Variants in LRRC4C observed in about 807,000 individuals in gnomAD.
LRRC4C encodes leucine-rich repeat-containing protein 4C.
In LRRC4C, 5 loss-of-function variants were observed where a neutral mutation model predicts 33.6. That is an observed-to-expected ratio of 0.15 (90% CI 0.08 to 0.31). LRRC4C has a LOEUF of 0.31. LRRC4C is among the 10% of genes least tolerant of loss of function. The probability of loss-of-function intolerance (pLI) is 1.00; values close to 1 mark genes in which losing one functional copy is unlikely to be tolerated. For synonymous variants in LRRC4C, 329 were observed against 302.0 expected (o/e 1.09, Z -0.93); for missense variants, 560 against 796.7 (o/e 0.70, Z 3.58).
chr11:40,525,621 G>A (rs1956014038), intron 3 of LRRC4C, among the ~76,000 whole-genome samples: 1 of 151,966 alleles, frequency 6.6e-6, no homozygotes, highest in Admixed American at 6.6e-5. Flanking sequence ...ATAAATGGAG[G>A]AATTACTTTA....
intron 3 of LRRC4C, among the ~76,000 whole-genome samples, chr11:40,337,151 G>C (rs1318564796): frequency 1.3e-5 from 2 of 152,014 alleles, no homozygotes; most frequent in Non-Finnish European, 2.9e-5. Flanking sequence ...GGAATCACAA[G>C]AGCAAAACCC....
At chr11:41,164,928 C>T (rs1305892537) in intron 1 of LRRC4C, among the ~76,000 whole-genome samples, 1 of 152,136 alleles carries the variant, frequency 6.6e-6, no homozygotes, top group Non-Finnish European at 1.5e-5. Context: ...TGTGTCTAGA[C>T]TTGCTGTCTC....
At chr11:40,369,227 G>C (rs917315228) in intron 3 of LRRC4C, among the ~76,000 whole-genome samples, 3 of 152,172 alleles carry the variant, frequency 2.0e-5, no homozygotes, top group African/African-American at 7.2e-5. Flanking sequence ...GTTGGAATCA[G>C]CTCTGTCTCC....
chr11:40,632,900 T>G (rs993528617), intron 3 of LRRC4C, among the ~76,000 whole-genome samples: 18 of 152,156 alleles, frequency 1.2e-4, no homozygotes, highest in African/African-American at 4.3e-4. Context: ...AGGTAACAAA[T>G]GTTATGCAGC....
intron 2 of LRRC4C, among the ~76,000 whole-genome samples, chr11:40,808,992 C>T (rs1361448465): frequency 6.6e-6 from 1 of 152,122 alleles, no homozygotes; most frequent in Non-Finnish European, 1.5e-5. Context: ...GACTTAGCTT[C>T]AGCAGTTATT....
intron 3 of LRRC4C, among the ~76,000 whole-genome samples, chr11:40,409,002 A>G (rs1950061565): frequency 6.6e-6 from 1 of 152,046 alleles, no homozygotes; most frequent in Admixed American, 6.6e-5. Flanking sequence ...ACCTGACTTT[A>G]AAATATACTG....
chr11:40,970,440 C>A (rs1042699040), intron 1 of LRRC4C, among the ~76,000 whole-genome samples: 13 of 152,104 alleles, frequency 8.5e-5, no homozygotes, highest in African/African-American at 2.9e-4. Flanking sequence ...CCTGAGGTCT[C>A]CAGAAGCCAC....
At chr11:41,339,843 C>A (rs1951573341) in intron 1 of LRRC4C, among the ~76,000 whole-genome samples, 1 of 151,968 alleles carries the variant, frequency 6.6e-6, no homozygotes, top group Non-Finnish European at 1.5e-5. Flanking sequence ...CAGAAGATAT[C>A]CAAAAATCAA....
At chr11:41,376,002 T>A (rs1314351741) in intron 1 of LRRC4C, among the ~76,000 whole-genome samples, 2 of 151,936 alleles carry the variant, frequency 1.3e-5, no homozygotes, top group Non-Finnish European at 2.9e-5. Flanking sequence ...AGAATTCACA[T>A]ATAAATTGAT....
intron 1 of LRRC4C, among the ~76,000 whole-genome samples, chr11:40,952,849 AAC>A (rs56684958): frequency 0.031 from 3,520 of 112,658 alleles, 77 homozygotes; most frequent in Admixed American, 0.087. Context: ...TCTATTTCCA[AAC>A]ACACACACAC....
In LRRC4C at chr11:40,925,828, C is replaced by T. The variant is rs543675953; in HGVS notation, c.-407+7807G>A. Among the ~76,000 whole-genome samples, 40 of 152,124 alleles carry T rather than the reference C, an allele frequency of 2.6e-4. 1 individual carries two copies. The East Asian group carries it at 7.2e-3, about 27-fold the overall frequency. On this transcript the variant is annotated intron_variant, in intron 2 of 6. Transcript: ENST00000528697. ...ACTATGTGCCAGGCATTATTTTAGG[C>T]ACTGAGAGGATAAAAATGGATGAAA...
chr11:40,598,786 C>T (rs768395827), intron 3 of LRRC4C, among the ~76,000 whole-genome samples: 9 of 152,088 alleles, frequency 5.9e-5, no homozygotes, highest in East Asian at 5.8e-4. Context: ...CATTTTGCTC[C>T]GGACTTGTGG....
At chr11:40,597,873 A>G (rs1378820531) in intron 3 of LRRC4C, among the ~76,000 whole-genome samples, 1 of 152,226 alleles carries the variant, frequency 6.6e-6, no homozygotes, top group South Asian at 2.1e-4. Flanking sequence ...AAAGTTGGCC[A>G]ATAGTTTGCA....
At chr11:40,255,079 G>A (rs1867095461) in intron 4 of LRRC4C, among the ~76,000 whole-genome samples, 1 of 152,130 alleles carries the variant, frequency 6.6e-6, no homozygotes, top group Non-Finnish European at 1.5e-5. Flanking sequence ...GGGATTACAA[G>A]CGTGAGTCAC....
intron 2 of LRRC4C, among the ~76,000 whole-genome samples, chr11:40,676,677 A>G (rs1466683926): frequency 6.6e-6 from 1 of 152,118 alleles, no homozygotes; most frequent in Admixed American, 6.5e-5. Context: ...CTTTTAGGCT[A>G]TATTTATCCA....
At chr11:40,733,222 C>T (rs1028066489) in intron 2 of LRRC4C, among the ~76,000 whole-genome samples, 39 of 151,338 alleles carry the variant, frequency 2.6e-4, no homozygotes, top group Admixed American at 1.6e-3. Context: ...ACAACAGGCG[C>T]CTGCCACCAC....
chr11:40,703,748 G>C (rs986939854), intron 2 of LRRC4C, among the ~76,000 whole-genome samples: 1 of 152,156 alleles, frequency 6.6e-6, no homozygotes, highest in African/African-American at 2.4e-5. Context: ...TTCAAGCCTG[G>C]AGATGAGCTG....
intron 3 of LRRC4C, among the ~76,000 whole-genome samples, chr11:40,570,272 G>A (rs1223488899): frequency 6.6e-6 from 1 of 152,024 alleles, no homozygotes; most frequent in Admixed American, 6.6e-5. Flanking sequence ...TTATACTGGG[G>A]AAAAATCAAT....
chr11:40,820,102 T>C (rs186379683), intron 2 of LRRC4C, among the ~76,000 whole-genome samples: 1 of 151,960 alleles, frequency 6.6e-6, no homozygotes, highest in African/African-American at 2.4e-5. Context: ...AACAAAAAGG[T>C]ATAAGAAATA....
Sources: gnomAD v4.1 joint callset for allele counts (sites outside exome capture counted in the v4.1 genomes callset) on GRCh38, gnomAD v4.1.1 for gene constraint, MANE v1.5 for transcripts, NCBI Gene and HGNC (gene_info 2026-07-23, HGNC 2026-07-21) for gene names.